The following SHCBP1L variants were observed in gnomAD, a reference collection of about 807,000 sequenced individuals.
SHCBP1L encodes testicular spindle-associated protein SHCBP1L.
In SHCBP1L, 67 loss-of-function variants were observed where a neutral mutation model predicts 62.5. That is an observed-to-expected ratio of 1.07 (90% CI 0.88 to 1.31). The LOEUF (loss-of-function observed/expected upper bound fraction) is 1.31. Among genes scored for constraint, SHCBP1L ranks in the 40% most tolerant of loss-of-function variants. The probability of loss-of-function intolerance (pLI) is 0.00; values close to 1 mark genes in which losing one functional copy is unlikely to be tolerated. For missense variants in SHCBP1L, 823 were observed against 809.8 expected, an observed-to-expected ratio of 1.02 and a Z score of -0.20; for synonymous variants, 284 against 289.4, an observed-to-expected ratio of 0.98 and a Z score of 0.19.
chr1:182,913,734 C>A (rs541246582), intron 6 of SHCBP1L, among the ~76,000 whole-genome samples: 20 of 152,286 alleles, frequency 1.3e-4, no homozygotes, highest in African/African-American at 4.6e-4. Flanking sequence ...GTAATACCAG[C>A]ACTTTGTGAG....
chr1:182,906,154 T>C (rs1299868654), intron 6 of SHCBP1L, among the ~76,000 whole-genome samples: 1 of 152,120 alleles, frequency 6.6e-6, no homozygotes, highest in Non-Finnish European at 1.5e-5. Context: ...CAGGCTGCTC[T>C]TAAACTCCTG....
intron 1 of SHCBP1L, among the ~76,000 whole-genome samples, chr1:182,952,231 T>TACAC (rs1558007639): frequency 1.2e-4 from 7 of 59,142 alleles, no homozygotes; most frequent in African/African-American, 6.5e-4. Flanking sequence ...TATATATATA[T>TACAC]ATATACACAC....
At chr1:182,915,161 C>CAAAAAAAAAAAAAAAAAAAAAAA (rs371432299) in intron 6 of SHCBP1L, among the ~76,000 whole-genome samples, 1 of 31,888 alleles carries the variant, frequency 3.1e-5, no homozygotes, top group Non-Finnish European at 7.0e-5. Flanking sequence ...GACTCTGTCT[C>CAAAAAAAAAAAAAAAAAAAAAAA]AAAAAAAAAA....
At chr1:182,927,666 C>A (rs113435120) in intron 6 of SHCBP1L, among the ~76,000 whole-genome samples, 4 of 123,736 alleles carry the variant, frequency 3.2e-5, no homozygotes, top group Admixed American at 2.6e-4. Context: ...AGCGAGACTC[C>A]GTCTCAAAAA....
At chr1:182,930,727 ATTTTTTTT>A (rs71127328) in intron 5 of SHCBP1L, among the ~76,000 whole-genome samples, 412 of 20,842 alleles carry the variant, frequency 0.02, 5 homozygotes, top group Admixed American at 0.042. Context: ...ATATATATGT[ATTTTTTTT>A]TTTTTTTTTT....
At chr1:182,930,606 CAT>C (rs1280114990) in intron 5 of SHCBP1L, among the ~76,000 whole-genome samples, 7 of 35,668 alleles carry the variant, frequency 2.0e-4, no homozygotes, top group South Asian at 1.0e-3. Context: ...CACATATATA[CAT>C]ATATATATAT....
intron 1 of SHCBP1L, 81 bp downstream of exon 1, chr1:182,952,648 C>T (rs1035107125): frequency 3.4e-6 from 5 of 1,477,910 alleles, no homozygotes; most frequent in Admixed American, 2.3e-5. Context: ...TCCCCATCCG[C>T]CTAAGAGGGA....
rs556978585 is a variant in SHCBP1L at position 182,939,312 on chromosome 1, G to C, written c.940C>G (p.Arg314Gly). The C allele has an allele frequency of 6.2e-7, 1 of 1,613,854 alleles. No individual in the cohort carries two copies. The highest frequency in any genetic ancestry group is 8.5e-7 in the Non-Finnish European group (1 of 1,179,902). The change falls in exon 5 of 10, where the codon CGT becomes GGT. Residue 314 changes from arginine to glycine, a missense_variant. Transcript: ENST00000367547. ...CTCTGATACTCAATGAGCTCGACACGTTTGTTTTTATATTTCTCCAAAGTT... is the reference window on the plus strand; with the variant it reads ...CTCTGATACTCAATGAGCTCGACACCTTTGTTTTTATATTTCTCCAAAGTT... ...KKTLEKYKNK[R>G]VELIEYQSNI...
rs780722903 is a variant in SHCBP1L, at chr1:182,951,484, T to C, written c.406-17A>G. On this transcript the variant is annotated splice_polypyrimidine_tract_variant and intron_variant, in intron 1 of 9. Coordinates refer to ENST00000367547, the MANE Select transcript of SHCBP1L (RefSeq NM_030933.4). ...ATCTTCTGCCTAACAAGAGAAAAAATGGATCTACATATAAATATATGAAAT... is the reference window on the plus strand; with the variant it reads ...ATCTTCTGCCTAACAAGAGAAAAAACGGATCTACATATAAATATATGAAAT... 1.3e-6 allele frequency: 2 copies of C among 1,521,018 alleles called. No individual in the cohort carries two copies. Among genetic ancestry groups the C allele is most frequent in the Non-Finnish European group, 1.8e-6 (2 of 1,132,038 alleles). 94.2% of individuals were successfully genotyped at this position (1,521,018 alleles called of 1,614,324 possible). A position where few individuals can be genotyped will look rare whatever the true frequency, so the allele number is the denominator to read the frequency against.
chr1:182,936,655 T>C (rs1322043696), intron 5 of SHCBP1L, among the ~76,000 whole-genome samples: 1 of 152,210 alleles, frequency 6.6e-6, no homozygotes, highest in East Asian at 1.9e-4. Context: ...CCATCTTTTA[T>C]GATATTGTTT....
chr1:182,946,801 G>C (rs1160144264), intron 2 of SHCBP1L, among the ~76,000 whole-genome samples: 1 of 152,104 alleles, frequency 6.6e-6, no homozygotes, highest in Non-Finnish European at 1.5e-5. Flanking sequence ...ATGGTGTTAG[G>C]ATTTGATAAT....
chr1:182,949,921 C>G (rs538286067), intron 2 of SHCBP1L, among the ~76,000 whole-genome samples: 1 of 151,218 alleles, frequency 6.6e-6, no homozygotes, highest in African/African-American at 2.4e-5. Flanking sequence ...CCCACCTCAG[C>G]CTCCTGAGTA....
intron 5 of SHCBP1L, among the ~76,000 whole-genome samples, chr1:182,932,826 C>T (rs982864284): frequency 2.0e-5 from 3 of 151,930 alleles, no homozygotes; most frequent in Admixed American, 1.3e-4. Flanking sequence ...GAATAATATA[C>T]TATGCATTCT....
At chr1:182,949,827 CTT>C (rs1193224921) in intron 2 of SHCBP1L, among the ~76,000 whole-genome samples, 52 of 136,844 alleles carry the variant, frequency 3.8e-4, no homozygotes, top group African/African-American at 5.5e-4. Flanking sequence ...ATATGGTATT[CTT>C]TTTTTTTTTT....
Position 182,952,769 on chromosome 1 carries a change from T to G in SHCBP1L, c.365A>C (p.Lys122Thr), listed in dbSNP as rs1651822510. 6.2e-7 allele frequency: 1 copy of G among 1,611,888 alleles called. No individual in the cohort carries two copies. The highest frequency in any genetic ancestry group is 1.3e-5 in the African/African-American group (1 of 74,554). The change falls in exon 1 of 10, where the codon AAG becomes ACG. Residue 122 changes from lysine (K) to threonine (T), a missense_variant. Transcript: ENST00000367547. ...SRMRGMWRDE[K>T]VSLYCDEVLQ... Reference sequence around the variant, plus strand: ...CACTTCGTCGCAATACAGCGACACCTTCTCGTCCCGCCACATCCCCCTCAT... The same window carrying G: ...CACTTCGTCGCAATACAGCGACACCGTCTCGTCCCGCCACATCCCCCTCAT...
intron 6 of SHCBP1L, among the ~76,000 whole-genome samples, chr1:182,910,526 T>C (rs910416099): frequency 6.6e-6 from 1 of 152,138 alleles, no homozygotes; most frequent in African/African-American, 2.4e-5. Context: ...CTTTGCCCCA[T>C]AGATGCCTAG....
intron 6 of SHCBP1L, among the ~76,000 whole-genome samples, chr1:182,921,033 T>C (rs539504579): frequency 1.3e-4 from 20 of 151,940 alleles, no homozygotes; most frequent in African/African-American, 4.8e-4. Flanking sequence ...AGTACCCCTA[T>C]GAGATACTAT....
intron 5 of SHCBP1L, 55 bp from the exon 6 acceptor site, chr1:182,929,807 G>T (rs1006779266): frequency 2.5e-6 from 3 of 1,205,832 alleles, no homozygotes; most frequent in Non-Finnish European, 2.3e-6. Context: ...GACTGACCTT[G>T]TCCTTACTTG....
intron 8 of SHCBP1L, among the ~76,000 whole-genome samples, 155 bp from the exon 9 acceptor site, chr1:182,903,316 A>T (rs957373432): frequency 2.0e-5 from 3 of 152,204 alleles, no homozygotes; most frequent in Non-Finnish European, 4.4e-5. Flanking sequence ...AATTGTAAAG[A>T]TAATATTTAA....
Sources: allele counts gnomAD v4.1 joint callset (sites outside exome capture counted in the v4.1 genomes callset), GRCh38; gene constraint gnomAD v4.1.1; transcripts MANE v1.5; gene names NCBI Gene and HGNC (gene_info 2026-07-23, HGNC 2026-07-21).